RIMS2: variants seen among roughly 807,000 people sequenced by gnomAD.
RIMS2 encodes regulating synaptic membrane exocytosis 2.
A neutral mutation model predicts 174.4 loss-of-function variants in RIMS2; 59 were observed. That is an observed-to-expected ratio of 0.34 (90% confidence interval 0.27 to 0.42). The LOEUF (loss-of-function observed/expected upper bound fraction) is 0.42, where lower values mean the gene tolerates loss of function less well. Ranked by LOEUF, RIMS2 falls within the 10% of genes least tolerant of loss-of-function variation. The pLI is 1.00. For missense variants in RIMS2, 1,620 were observed against 1,666.3 expected, an observed-to-expected ratio of 0.97 and a Z score of 0.48; for synonymous variants, 606 against 572.5, an observed-to-expected ratio of 1.06 and a Z score of -0.84.
intron 19 of RIMS2, among the ~76,000 whole-genome samples, chr8:104,025,395 G>A (rs1243982092): frequency 2.0e-5 from 3 of 152,134 alleles, no homozygotes; most frequent in African/African-American, 7.2e-5. Flanking sequence ...GCTTGAGGCA[G>A]GAAGATCGCT....
At chr8:103,893,824 G>A (rs1270189327) in intron 4 of RIMS2, among the ~76,000 whole-genome samples, 3 of 152,042 alleles carry the variant, frequency 2.0e-5, no homozygotes, top group Non-Finnish European at 2.9e-5. Context: ...TTGCTTTGCA[G>A]TGCTGCTCAG....
chr8:103,546,918 C>T (rs1391230991), intron 1 of RIMS2, among the ~76,000 whole-genome samples: 8 of 152,176 alleles, frequency 5.3e-5, no homozygotes, highest in African/African-American at 7.2e-5. Flanking sequence ...AAACAAGGTA[C>T]ATCTTAAGAT....
chr8:103,881,837 G>A (rs889278837), intron 3 of RIMS2, among the ~76,000 whole-genome samples: 1 of 151,308 alleles, frequency 6.6e-6, no homozygotes, highest in African/African-American at 2.4e-5. Flanking sequence ...TAACAACACA[G>A]GTGGCAATAA....
intron 3 of RIMS2, among the ~76,000 whole-genome samples, chr8:103,789,749 CTTTT>C (rs11354049): frequency 3.5e-5 from 3 of 85,148 alleles, no homozygotes; most frequent in African/African-American, 9.5e-5. Flanking sequence ...GGATTGTACT[CTTTT>C]TTTTTTTTTT....
intron 1 of RIMS2, among the ~76,000 whole-genome samples, chr8:103,579,241 C>CCTCT (rs946404523): frequency 1.0e-4 from 14 of 138,240 alleles, no homozygotes; most frequent in African/African-American, 3.3e-4. Context: ...TCTCTCTCTC[C>CCTCT]CTCTCTCTCT....
rs369487444 is a variant in RIMS2 at position 104,039,577 on chromosome 8, G to T, written c.3334+24962G>T. Among the ~76,000 whole-genome samples the T allele has an allele frequency of 3.3e-5, 5 of 151,628 alleles. No homozygotes were observed. The South Asian group carries it at 8.3e-4, about 25-fold the overall frequency. ...GCAAACAATAAGATCTTTTCTTAGAGATGGAATATATGGAAGCCATTATTT... is the reference window on the plus strand; with the variant it reads ...GCAAACAATAAGATCTTTTCTTAGATATGGAATATATGGAAGCCATTATTT... On this transcript the variant is annotated intron_variant, in intron 19 of 23. Coordinates refer to ENST00000504942, the Ensembl canonical transcript of RIMS2.
At chr8:103,967,097 A>T (rs2092026528) in intron 15 of RIMS2, among the ~76,000 whole-genome samples, 1 of 140,994 alleles carries the variant, frequency 7.1e-6, no homozygotes, top group East Asian at 2.3e-4. Flanking sequence ...ATAAATGTTG[A>T]TTATATTCAG....
At chr8:104,145,294 T>C (rs2098625645) in intron 19 of RIMS2, among the ~76,000 whole-genome samples, 1 of 152,138 alleles carries the variant, frequency 6.6e-6, no homozygotes, top group South Asian at 2.1e-4. Flanking sequence ...AGTTGCTCTT[T>C]AGAAATCTAT....
At chr8:104,078,992 G>T (rs560635701) in intron 19 of RIMS2, among the ~76,000 whole-genome samples, 1 of 152,058 alleles carries the variant, frequency 6.6e-6, no homozygotes, top group South Asian at 2.1e-4. Flanking sequence ...AGATGTATTT[G>T]TGAATTGCTA....
At chr8:103,554,330 A>G (rs1345013758) in intron 1 of RIMS2, among the ~76,000 whole-genome samples, 1 of 152,226 alleles carries the variant, frequency 6.6e-6, no homozygotes, top group African/African-American at 2.4e-5. Flanking sequence ...TAAGGAATTT[A>G]GACAAATTTA....
intron 14 of RIMS2, among the ~76,000 whole-genome samples, chr8:103,945,751 A>T (rs2083574836): frequency 1.4e-5 from 2 of 140,114 alleles, no homozygotes; most frequent in African/African-American, 5.7e-5. Context: ...TTCACAATTA[A>T]AAAAAAAAAA....
At chr8:103,962,488 G>C (rs2090454364) in intron 15 of RIMS2, among the ~76,000 whole-genome samples, 1 of 152,148 alleles carries the variant, frequency 6.6e-6, no homozygotes, top group Non-Finnish European at 1.5e-5. Context: ...GTCAGAAACT[G>C]TCTGGTGAAT....
At chr8:103,949,608 T>G (rs2084816391) in intron 14 of RIMS2, among the ~76,000 whole-genome samples, 1 of 152,146 alleles carries the variant, frequency 6.6e-6, no homozygotes, top group Admixed American at 6.5e-5. Context: ...GAACACCTAA[T>G]GTATCGATAT....
intron 3 of RIMS2, among the ~76,000 whole-genome samples, chr8:103,834,693 T>TTTCTTTCTTTCC (rs2098849879): frequency 1.5e-5 from 1 of 65,482 alleles, no homozygotes; most frequent in Non-Finnish European, 2.9e-5. Context: ...TCTTTCTTTC[T>TTTCTTTCTTTCC]TTCTTTCTTT....
intron 1 of RIMS2, among the ~76,000 whole-genome samples, chr8:103,524,864 A>G (rs912427266): frequency 2.0e-5 from 3 of 152,218 alleles, no homozygotes; most frequent in Admixed American, 6.5e-5. Flanking sequence ...ACCATGGGCA[A>G]TCTGCTGAGT....
chr8:103,898,629 C>T (rs1367595045), intron 4 of RIMS2, among the ~76,000 whole-genome samples: 2 of 151,496 alleles, frequency 1.3e-5, no homozygotes, highest in Admixed American at 6.6e-5. Context: ...CCTTTGTGCC[C>T]TTATTTTTTA....
At chr8:103,635,953 G>A (rs1315166728) in intron 1 of RIMS2, among the ~76,000 whole-genome samples, 1 of 152,140 alleles carries the variant, frequency 6.6e-6, no homozygotes, top group African/African-American at 2.4e-5. Context: ...GTCTTGCCCA[G>A]TGAGGAGAAA....
At chr8:104,076,917 A>C (rs1225904175) in intron 19 of RIMS2, among the ~76,000 whole-genome samples, 1 of 151,732 alleles carries the variant, frequency 6.6e-6, no homozygotes, top group Non-Finnish European at 1.5e-5. Flanking sequence ...CCCGGGTTCA[A>C]GTGATTCTCC....
At chr8:103,515,031 A>G (rs1193947518) in intron 1 of RIMS2, among the ~76,000 whole-genome samples, 1 of 152,080 alleles carries the variant, frequency 6.6e-6, no homozygotes, top group Non-Finnish European at 1.5e-5. Flanking sequence ...TCCTCTTTAA[A>G]TTTTACTTCA....
Sources: gnomAD v4.1 joint callset for allele counts (sites outside exome capture counted in the v4.1 genomes callset) on GRCh38, gnomAD v4.1.1 for gene constraint, MANE v1.5 for transcripts, NCBI Gene and HGNC (gene_info 2026-07-23, HGNC 2026-07-21) for gene names.